The following WIPF1 variants were observed in gnomAD, a reference collection of about 807,000 sequenced individuals.
WIPF1 encodes the protein WAS/WASL interacting protein family member 1.
In WIPF1, 13 loss-of-function variants were observed where a neutral mutation model predicts 35.4. The ratio of observed to expected loss-of-function variants is 0.37; its 90% CI spans 0.24 to 0.58. The LOEUF is 0.58. WIPF1 is among the 20% of genes least tolerant of loss of function. The probability of loss-of-function intolerance (pLI) is 0.74; values close to 1 mark genes in which losing one functional copy is unlikely to be tolerated. For synonymous variants in WIPF1, 267 were observed against 266.3 expected (o/e 1.00, Z -0.02); for missense variants, 591 against 667.0 (o/e 0.89, Z 1.25).
intron 1 of WIPF1, among the ~76,000 whole-genome samples, chr2:174,664,588 G>C (rs1244679916): frequency 6.6e-6 from 1 of 152,206 alleles, no homozygotes; most frequent in Non-Finnish European, 1.5e-5. Flanking sequence ...CCTCTCTTGT[G>C]TTCCGTGGTG....
intron 1 of WIPF1, among the ~76,000 whole-genome samples, chr2:174,637,723 C>G (rs1312696545): frequency 1.3e-5 from 2 of 152,162 alleles, no homozygotes; most frequent in African/African-American, 4.8e-5. Flanking sequence ...GGAGGCGGAG[C>G]TTGCAGTGAG....
At chr2:174,584,615 C>T (rs1685342285) in intron 2 of WIPF1, among the ~76,000 whole-genome samples, 2 of 152,054 alleles carry the variant, frequency 1.3e-5, no homozygotes, top group Non-Finnish European at 2.9e-5. Flanking sequence ...AGAGGTCTAT[C>T]AAAGGAGCAG....
chr2:174,642,926 ATT>A lies in WIPF1; in HGVS notation c.-39+39846_-39+39847del, dbSNP rs1458416304. On this transcript the variant is annotated intron_variant, in intron 1 of 8. Coordinates refer to the WIPF1 transcript ENST00000272746. ...TCCTTTTAAATAAAAGCCTTAACTTATTTAAGTGTATTTTTAGTCCTATTCCA... is the reference window on the plus strand; with the variant it reads ...TCCTTTTAAATAAAAGCCTTAACTTATAAGTGTATTTTTAGTCCTATTCCA... Among the ~76,000 whole-genome samples the A allele has an allele frequency of 2.0e-5, 3 of 149,534 alleles. 1 individual carries two copies. The highest frequency in any genetic ancestry group is 5.1e-5 in the African/African-American group (2 of 38,920).
rs1056272294 is a variant in WIPF1, at chr2:174,590,850, C to G, written c.-38-5239G>C. Among the ~76,000 whole-genome samples, 1 of 152,166 alleles carries G rather than the reference C, an allele frequency of 6.6e-6. No individual in the cohort carries two copies. The highest frequency in any genetic ancestry group is 2.4e-5 in the African/African-American group (1 of 41,452). ...ATAGAAAAGCCAGACTTTCTAAAAT[C>G]TTTACTTGGTGTGTTGACTTCTACA... On this transcript the variant is annotated intron_variant, in intron 1 of 7. Coordinates refer to ENST00000679041, the MANE Select transcript of WIPF1 (RefSeq NM_001375834.1). This position sits in a 1 kb window ranked among gnomAD's most constrained non-coding sequence, Gnocchi z 4.6.
chr2:174,628,096 C>G (rs572094277), intron 1 of WIPF1, among the ~76,000 whole-genome samples: 1 of 152,210 alleles, frequency 6.6e-6, no homozygotes, highest in African/African-American at 2.4e-5. Context: ...AGGGATCAGA[C>G]TCAGAATGTC....
intron 1 of WIPF1, among the ~76,000 whole-genome samples, chr2:174,644,673 T>C (rs1407067995): frequency 1.3e-5 from 2 of 152,110 alleles, no homozygotes; most frequent in African/African-American, 4.8e-5. Context: ...CTAAAAGCCA[T>C]CATAACTGAG....
intron 4 of WIPF1, 45 bp downstream of exon 4, chr2:174,575,157 ACT>A: frequency 1.1e-5 from 17 of 1,567,122 alleles, no homozygotes; most frequent in Non-Finnish European, 1.4e-5. Flanking sequence ...AAACTGCCAA[ACT>A]CTGCCTTGTC....
chr2:174,567,287 G>A (rs1684692252), intron 6 of WIPF1, 104 bp from the exon 7 acceptor site: 2 of 1,091,208 alleles, frequency 1.8e-6, no homozygotes, highest in East Asian at 4.9e-5. Flanking sequence ...ACAGACATCA[G>A]TGCTAGTTTT....
intron 1 of WIPF1, among the ~76,000 whole-genome samples, chr2:174,605,161 G>A (rs913865118): frequency 2.0e-5 from 3 of 152,194 alleles, no homozygotes; most frequent in Non-Finnish European, 4.4e-5. Flanking sequence ...GTGGGCCAGC[G>A]CAGGGGCTCG....
intron 7 of WIPF1, 26 bp from the exon 8 acceptor site, chr2:174,562,628 A>G (rs1242428817): frequency 6.2e-7 from 1 of 1,613,318 alleles, no homozygotes; most frequent in African/African-American, 1.3e-5. Flanking sequence ...GACAAAATAT[A>G]ATTTTGGTTA....
chr2:174,608,765 T>G (rs376540039), intron 1 of WIPF1, among the ~76,000 whole-genome samples: 5 of 152,226 alleles, frequency 3.3e-5, no homozygotes, highest in East Asian at 3.8e-4. Flanking sequence ...AATCATTAGG[T>G]ATAAAGGCCA....
chr2:174,658,736 G>A (rs777955707), intron 1 of WIPF1, among the ~76,000 whole-genome samples: 5 of 150,974 alleles, frequency 3.3e-5, no homozygotes, highest in Non-Finnish European at 5.9e-5. Flanking sequence ...GTTCTATAGC[G>A]GGATGGTCTG....
At chr2:174,569,889 A>T (rs1213795623) in intron 5 of WIPF1, among the ~76,000 whole-genome samples, 1 of 152,196 alleles carries the variant, frequency 6.6e-6, no homozygotes, top group Non-Finnish European at 1.5e-5. Flanking sequence ...CAGAATACAC[A>T]GGGCCTTTGA....
At chr2:174,660,731 G>A (rs1397911758) in intron 1 of WIPF1, among the ~76,000 whole-genome samples, 1 of 152,090 alleles carries the variant, frequency 6.6e-6, no homozygotes, top group Non-Finnish European at 1.5e-5. Context: ...CTTTAATCTT[G>A]GCTCAACCAT....
At chr2:174,626,564 C>T (rs1686837915) in intron 1 of WIPF1, among the ~76,000 whole-genome samples, 1 of 152,176 alleles carries the variant, frequency 6.6e-6, no homozygotes, top group Non-Finnish European at 1.5e-5. Flanking sequence ...TCCCCTCCAC[C>T]CCAAATTGCT....
chr2:174,649,804 C>T (rs191774715), intron 1 of WIPF1, among the ~76,000 whole-genome samples: 2 of 152,196 alleles, frequency 1.3e-5, no homozygotes, highest in Non-Finnish European at 1.5e-5. Context: ...GAAAGTCAAC[C>T]AAGGAAATAG....
chr2:174,639,346 C>G (rs1329032214), intron 1 of WIPF1, among the ~76,000 whole-genome samples: 1 of 152,174 alleles, frequency 6.6e-6, no homozygotes, highest in Non-Finnish European at 1.5e-5. Flanking sequence ...GCCTCAAACT[C>G]AGGCTTAAGT....
chr2:174,622,285 AT>A lies in WIPF1; in HGVS notation c.-38-36675del, dbSNP rs1371965904. 6.6e-6 allele frequency among the ~76,000 whole-genome samples: 1 copy of A among 152,212 alleles called. No homozygotes were observed. The highest frequency in any genetic ancestry group is 2.4e-5 in the African/African-American group (1 of 41,456). On this transcript the variant is annotated intron_variant, in intron 1 of 8. Coordinates refer to the WIPF1 transcript ENST00000272746. The surrounding 1 kb of genome is among the most constrained non-coding windows in gnomAD (Gnocchi z 5.1). ...CATGCCTGCATACCACCAAAACTAT[AT>A]GATTTGTTTAATATTTTTATTTAAC...
intron 1 of WIPF1, among the ~76,000 whole-genome samples, chr2:174,631,895 G>A (rs977994067): frequency 2.0e-5 from 3 of 152,162 alleles, no homozygotes; most frequent in African/African-American, 7.2e-5. Flanking sequence ...ATCTGTGGAT[G>A]TCGACCCGCA....
Sources: gnomAD v4.1 joint callset for allele counts (sites outside exome capture counted in the v4.1 genomes callset) on GRCh38, gnomAD v4.1.1 for gene constraint, Gnocchi (gnomAD v3.1) non-coding constraint, MANE v1.5 for transcripts, NCBI Gene and HGNC (gene_info 2026-07-23, HGNC 2026-07-21) for gene names.